IPCEF1: variants seen among roughly 807,000 people sequenced by gnomAD.
The protein encoded by IPCEF1 is interactor protein for cytohesin exchange factors 1.
A neutral mutation model predicts 50.9 loss-of-function variants in IPCEF1; 31 were observed. The observed-to-expected ratio is 0.61, with a 90% CI of 0.46 to 0.82. IPCEF1 has a LOEUF of 0.82. Ranked by LOEUF, IPCEF1 falls within the 40% of genes least tolerant of loss-of-function variation. The pLI is 0.00. For synonymous variants in IPCEF1, 181 were observed against 192.0 expected (o/e 0.94, Z 0.47); for missense variants, 458 against 514.0 (o/e 0.89, Z 1.05).
At chr6:154,319,943 C>T (rs939923704) in intron 1 of IPCEF1, among the ~76,000 whole-genome samples, 6 of 152,146 alleles carry the variant, frequency 3.9e-5, no homozygotes, top group African/African-American at 9.7e-5. Context: ...TCTAACTCTC[C>T]GCCATCTAGT....
chr6:154,328,453 A>G (rs937597522), intron 1 of IPCEF1, among the ~76,000 whole-genome samples: 1 of 152,128 alleles, frequency 6.6e-6, no homozygotes, highest in Non-Finnish European at 1.5e-5. Context: ...AAGTTCTTCA[A>G]TGGAGGCCAG....
At chr6:154,177,668 G>C (rs1242081824) in intron 10 of IPCEF1, among the ~76,000 whole-genome samples, 1 of 152,198 alleles carries the variant, frequency 6.6e-6, no homozygotes, top group East Asian at 1.9e-4. Flanking sequence ...TGGAGAAATA[G>C]GAACACTTTT....
chr6:154,292,016 T>G (rs748804061), intron 1 of IPCEF1, among the ~76,000 whole-genome samples: 6 of 152,156 alleles, frequency 3.9e-5, no homozygotes, highest in Non-Finnish European at 5.9e-5. Flanking sequence ...CAAAATGCAA[T>G]CACTATACAG....
chr6:154,254,538 A>G (rs544982410), intron 3 of IPCEF1, among the ~76,000 whole-genome samples: 40 of 152,368 alleles, frequency 2.6e-4, no homozygotes, highest in Admixed American at 7.8e-4. Context: ...CTCCCTCAAC[A>G]TGCAGAGATT....
rs1177110840 is a variant in IPCEF1 at position 154,192,781 on chromosome 6, A to C, written c.910+6887T>G. Among the ~76,000 whole-genome samples the C allele has an allele frequency of 3.3e-5, 5 of 152,220 alleles. No homozygotes were observed. In the East Asian group the frequency reaches 9.6e-4, roughly 29 times the overall value. On this transcript the variant is annotated intron_variant, in intron 10 of 11. Transcript: ENST00000367220. ...GAAGAAATGTTCAATTAGTGATGGA[A>C]ACCACTAATTGCCAGGGAAATGCAA...
chr6:154,246,641 AC>A lies in IPCEF1; in HGVS notation c.195del (p.Lys65AsnfsTer4). 2 of 1,613,962 alleles carry A rather than the reference AC, an allele frequency of 1.2e-6. No individual in the cohort carries two copies. Among genetic ancestry groups the A allele is most frequent in the South Asian group, 2.2e-5 (2 of 91,066 alleles). Reference protein sequence around the residue: ...KGSFLSNKWKKFWVILKGSSL... With the variant: ...KGSFLSNKWKXFWVILKGSSL... ...GACGACCCCTTCAGTATCACCCAGA[AC>A]TTTTTCCATTTGTTGCTTAGGAAAC... is the stretch of plus-strand genomic sequence containing the variant. On this transcript the variant is annotated frameshift_variant, in exon 5 of 12. Transcript: ENST00000367220. LOFTEE classifies it high-confidence loss of function.
chr6:154,262,544 T>A (rs1781627120), intron 3 of IPCEF1, among the ~76,000 whole-genome samples: 1 of 152,188 alleles, frequency 6.6e-6, no homozygotes, highest in Non-Finnish European at 1.5e-5. Context: ...CAAATAAATT[T>A]GTTAATTTAA....
At chr6:154,175,356 A>T (rs575092488) in intron 10 of IPCEF1, among the ~76,000 whole-genome samples, 4 of 151,170 alleles carry the variant, frequency 2.6e-5, no homozygotes, top group African/African-American at 9.7e-5. Flanking sequence ...GACACAAAAA[A>T]CCCTTTAAAA....
At chr6:154,190,658 T>C (rs1801793332) in intron 10 of IPCEF1, among the ~76,000 whole-genome samples, 1 of 152,204 alleles carries the variant, frequency 6.6e-6, no homozygotes, top group Non-Finnish European at 1.5e-5. Flanking sequence ...TACTCATTGC[T>C]ATTTACCCCA....
At chr6:154,241,008 C>T (rs569815434) in intron 5 of IPCEF1, among the ~76,000 whole-genome samples, 221 of 152,084 alleles carry the variant, frequency 1.5e-3, no homozygotes, top group African/African-American at 4.8e-3. Flanking sequence ...GAGACTGAGG[C>T]GGGCAAATCA....
chr6:154,323,639 T>G (rs1181433952), intron 1 of IPCEF1, among the ~76,000 whole-genome samples: 1 of 152,150 alleles, frequency 6.6e-6, no homozygotes, highest in African/African-American at 2.4e-5. Context: ...CAAAATGACA[T>G]GATGTCTGAT....
At chr6:154,189,308 A>T (rs1226968429) in intron 10 of IPCEF1, among the ~76,000 whole-genome samples, 2 of 152,248 alleles carry the variant, frequency 1.3e-5, no homozygotes, top group Non-Finnish European at 2.9e-5. Context: ...TGGTGGAACC[A>T]ATTTATAAAG....
At chr6:154,347,154 C>T (rs1370608710) in intron 1 of IPCEF1, among the ~76,000 whole-genome samples, 2 of 152,304 alleles carry the variant, frequency 1.3e-5, no homozygotes. Context: ...ACATTCTCAG[C>T]TCCAGGAATG....
chr6:154,160,775 A>G (rs1798945066), intron 11 of IPCEF1, among the ~76,000 whole-genome samples: 4 of 152,318 alleles, frequency 2.6e-5, no homozygotes, highest in South Asian at 4.1e-4. Flanking sequence ...TGACAATTGT[A>G]TCTCAAATCT....
intron 5 of IPCEF1, among the ~76,000 whole-genome samples, chr6:154,236,862 T>A (rs1015021506): frequency 2.0e-5 from 3 of 152,182 alleles, no homozygotes; most frequent in Non-Finnish European, 4.4e-5. Context: ...ATGTAGAGAT[T>A]CTACATTGTG....
At chr6:154,247,668 A>G in intron 3 of IPCEF1, 180 bp from the exon 4 acceptor site, 1 of 532,342 alleles carries the variant, frequency 1.9e-6, no homozygotes, top group East Asian at 2.9e-5. Flanking sequence ...AATTAGAATC[A>G]ATATACATTG....
At chr6:154,188,239 C>T (rs897003847) in intron 10 of IPCEF1, among the ~76,000 whole-genome samples, 7 of 151,978 alleles carry the variant, frequency 4.6e-5, no homozygotes, top group African/African-American at 7.2e-5. Context: ...AGAGAAAAAT[C>T]GATGTTAAAA....
At chr6:154,280,775 T>G (rs1455852461) in intron 2 of IPCEF1, among the ~76,000 whole-genome samples, 2 of 152,256 alleles carry the variant, frequency 1.3e-5, no homozygotes, top group Non-Finnish European at 2.9e-5. Flanking sequence ...GGGATCCCGA[T>G]GGTATTCTAT....
Position 154,159,670 on chromosome 6 carries a change from T to C in IPCEF1, c.*158A>G. The stretch of plus-strand genomic sequence containing the variant: ...GACTGAAATGAGGAGCCCTGGTGTA[T>C]TCGGTGATTATCTTCATCTAACGTG... On this transcript the variant is annotated 3_prime_UTR_variant, in exon 12 of 12. Transcript: ENST00000367220. 1 of 643,010 alleles carries C rather than the reference T, an allele frequency of 1.6e-6. No individual in the cohort carries two copies. 39.8% of individuals were successfully genotyped at this position (643,010 alleles called of 1,614,324 possible).
Sources: allele counts gnomAD v4.1 joint callset (sites outside exome capture counted in the v4.1 genomes callset), GRCh38; gene constraint gnomAD v4.1.1; transcripts MANE v1.5; gene names NCBI Gene and HGNC (gene_info 2026-07-23, HGNC 2026-07-21).